Variants in VDR observed in about 807,000 individuals in gnomAD.
VDR encodes vitamin D receptor.
In VDR, 19 loss-of-function variants were observed where a neutral mutation model predicts 39.7. The observed-to-expected ratio is 0.48, with a 90% CI of 0.33 to 0.70. The LOEUF (loss-of-function observed/expected upper bound fraction) is 0.70. Among genes scored for constraint, VDR ranks in the 30% least tolerant of loss-of-function variants. The pLI is 0.02. For missense variants in VDR, 442 were observed against 570.5 expected (o/e 0.77, Z 2.29); for synonymous variants, 242 against 215.8 (o/e 1.12, Z -1.07).
intron 1 of VDR, among the ~76,000 whole-genome samples, chr12:47,884,052 C>T (rs1321929362): frequency 1.3e-5 from 2 of 152,326 alleles, no homozygotes; most frequent in East Asian, 1.9e-4. Context: ...TCCTACTGCC[C>T]AAGTCCTTCC....
intron 4 of VDR, among the ~76,000 whole-genome samples, chr12:47,859,461 C>G (rs528235605): frequency 6.6e-6 from 1 of 152,168 alleles, no homozygotes; most frequent in Admixed American, 6.5e-5. Flanking sequence ...TGCTCATGCT[C>G]GCCCCTGCAT....
At chr12:47,892,046 C>T (rs929203427) in intron 1 of VDR, among the ~76,000 whole-genome samples, 1 of 152,252 alleles carries the variant, frequency 6.6e-6, no homozygotes, top group Non-Finnish European at 1.5e-5. Flanking sequence ...TTCACCTAGA[C>T]ATGGGGTGGG....
At chr12:47,866,347 G>T (rs1331878495) in intron 3 of VDR, among the ~76,000 whole-genome samples, 1 of 152,086 alleles carries the variant, frequency 6.6e-6, no homozygotes, top group East Asian at 1.9e-4. Context: ...CGCCTGCCTC[G>T]GCCTCCCAAA....
intron 1 of VDR, among the ~76,000 whole-genome samples, chr12:47,890,063 G>A (rs1287951757): frequency 6.6e-6 from 1 of 151,826 alleles, no homozygotes; most frequent in African/African-American, 2.4e-5. Flanking sequence ...AATGAACACT[G>A]GACCCATGTG....
At chr12:47,877,454 T>G (rs973897738) in intron 3 of VDR, among the ~76,000 whole-genome samples, 1 of 152,120 alleles carries the variant, frequency 6.6e-6, no homozygotes, top group African/African-American at 2.4e-5. Flanking sequence ...GGGGTGGATA[T>G]CAATACATGC....
chr12:47,879,551 C>A (rs904619908), intron 2 of VDR, among the ~76,000 whole-genome samples: 1 of 152,194 alleles, frequency 6.6e-6, no homozygotes, highest in Non-Finnish European at 1.5e-5. Context: ...CCCAACGCCC[C>A]CTCCAAGGGA....
At chr12:47,893,344 G>A (rs1214332896) in intron 1 of VDR, among the ~76,000 whole-genome samples, 5 of 152,076 alleles carry the variant, frequency 3.3e-5, no homozygotes, top group Non-Finnish European at 5.9e-5. Context: ...TACACACAAA[G>A]CCACTGTCCC....
chr12:47,894,580 T>G (rs1286192144), intron 1 of VDR, among the ~76,000 whole-genome samples: 2 of 152,146 alleles, frequency 1.3e-5, no homozygotes, highest in East Asian at 3.8e-4. Flanking sequence ...TGCCCTTACT[T>G]TTTCCAGAAC....
At chr12:47,887,322 CAAA>C (rs10686139) in intron 1 of VDR, among the ~76,000 whole-genome samples, 2 of 72,106 alleles carry the variant, frequency 2.8e-5, no homozygotes, top group Non-Finnish European at 5.1e-5. Flanking sequence ...AACTCCGTCT[CAAA>C]AAAAAAAAAA....
intron 9 of VDR, among the ~76,000 whole-genome samples, chr12:47,846,032 G>A (rs1945272804): frequency 6.6e-6 from 1 of 152,232 alleles, no homozygotes; most frequent in South Asian, 2.1e-4. Flanking sequence ...CGCAAGAGCA[G>A]AGCCTGAGTA....
At chr12:47,889,926 T>C (rs1266144421) in intron 1 of VDR, among the ~76,000 whole-genome samples, 1 of 151,874 alleles carries the variant, frequency 6.6e-6, no homozygotes, top group East Asian at 1.9e-4. Context: ...TAAGCATCTG[T>C]CTTAACGCTG....
intron 7 of VDR, among the ~76,000 whole-genome samples, chr12:47,849,022 C>G (rs1027190862): frequency 6.6e-6 from 1 of 152,176 alleles, no homozygotes; most frequent in Non-Finnish European, 1.5e-5. Flanking sequence ...TTCCACTATT[C>G]TGAGTCAGGA....
At chr12:47,864,903 G>A (rs980455227) in intron 4 of VDR, 144 bp downstream of exon 4, 12 of 1,385,864 alleles carry the variant, frequency 8.7e-6, no homozygotes, top group Non-Finnish European at 1.1e-5. Context: ...CCAGCTGCTG[G>A]TCCCACTGAG....
chr12:47,866,234 A>G (rs1399701219), intron 3 of VDR, among the ~76,000 whole-genome samples: 1 of 151,648 alleles, frequency 6.6e-6, no homozygotes, highest in African/African-American at 2.4e-5. Flanking sequence ...CAGCCTCCCG[A>G]GTAGCTGGGA....
At chr12:47,904,341 C>T (rs766303166) in intron 1 of VDR, among the ~76,000 whole-genome samples, 17 of 151,764 alleles carry the variant, frequency 1.1e-4, no homozygotes, top group Non-Finnish European at 2.1e-4. Context: ...AGAAACTACT[C>T]CTTGAGCCCC....
At chr12:47,882,635 C>CCCCCCCCCCCCCCCT in intron 2 of VDR, 59 bp downstream of exon 2, 1 of 609,822 alleles carries the variant, frequency 1.6e-6, no homozygotes, top group South Asian at 1.8e-5. Flanking sequence ...CCCTCCCCCC[C>CCCCCCCCCCCCCCCT]ACCCCGCCCC....
intron 9 of VDR, among the ~76,000 whole-genome samples, chr12:47,845,713 C>T (rs1945267158): frequency 6.6e-6 from 1 of 152,074 alleles, no homozygotes; most frequent in African/African-American, 2.4e-5. Context: ...GTAGAGGAGC[C>T]CATCTCCATT....
At chr12:47,850,224 A>G (rs754375394) in intron 7 of VDR, among the ~76,000 whole-genome samples, 4 of 152,200 alleles carry the variant, frequency 2.6e-5, no homozygotes, top group Non-Finnish European at 5.9e-5. Context: ...TATACATTTA[A>G]CATACTGGAG....
intron 1 of VDR, chr12:47,898,812 AC>A (rs1438704047): frequency 6.4e-6 from 1 of 155,442 alleles, no homozygotes; most frequent in African/African-American, 2.4e-5. Context: ...GTGAAATGAA[AC>A]AACATAGTGT....
Sources: allele counts gnomAD v4.1 joint callset (sites outside exome capture counted in the v4.1 genomes callset), GRCh38; gene constraint gnomAD v4.1.1; transcripts MANE v1.5; gene names NCBI Gene and HGNC (gene_info 2026-07-23, HGNC 2026-07-21).